Variants in CAMK1D observed in about 807,000 individuals in gnomAD.
CAMK1D encodes the protein calcium/calmodulin-dependent protein kinase type 1D.
CAMK1D carries 9 observed loss-of-function variants against 47.7 expected under a neutral mutation model. The observed-to-expected ratio is 0.19, with a 90% CI of 0.11 to 0.33. CAMK1D has a LOEUF of 0.33. CAMK1D is among the 10% of genes least tolerant of loss of function. CAMK1D has a pLI of 1.00. For missense variants in CAMK1D, 291 were observed against 488.7 expected (o/e 0.60, Z 3.81); for synonymous variants, 184 against 184.9 (o/e 0.99, Z 0.04).
At chr10:12,685,711 C>G (rs1832634147) in intron 3 of CAMK1D, among the ~76,000 whole-genome samples, 1 of 152,156 alleles carries the variant, frequency 6.6e-6, no homozygotes, top group Non-Finnish European at 1.5e-5. Flanking sequence ...TCTCAATCAT[C>G]CTGGGCTGGA....
chr10:12,535,756 T>C (rs1422248763), intron 1 of CAMK1D, among the ~76,000 whole-genome samples: 2 of 152,200 alleles, frequency 1.3e-5, no homozygotes, highest in Non-Finnish European at 2.9e-5. Context: ...TGTAATGTTT[T>C]GTGAATAGTT....
chr10:12,508,432 C>T (rs1296370485), intron 1 of CAMK1D, among the ~76,000 whole-genome samples: 1 of 152,232 alleles, frequency 6.6e-6, no homozygotes, highest in Non-Finnish European at 1.5e-5. Context: ...TCCACTTACT[C>T]AGGTACCCAG....
chr10:12,671,166 A>G (rs955103957), intron 3 of CAMK1D, among the ~76,000 whole-genome samples: 4 of 152,180 alleles, frequency 2.6e-5, no homozygotes, highest in African/African-American at 9.7e-5. Flanking sequence ...ATATTTTATT[A>G]TCTGGATATA....
chr10:12,691,402 TAA>T (rs1223927883), intron 3 of CAMK1D, among the ~76,000 whole-genome samples: 4 of 7,288 alleles, frequency 5.5e-4, no homozygotes, highest in Admixed American at 1.8e-3. Context: ...TATATATATA[TAA>T]ATATATATAT....
chr10:12,639,833 G>GAT (rs367946942), intron 2 of CAMK1D, among the ~76,000 whole-genome samples: 19 of 151,608 alleles, frequency 1.3e-4, no homozygotes, highest in East Asian at 1.9e-4. Context: ...TGACTAAGTG[G>GAT]ATATATATAT....
chr10:12,405,680 C>T (rs374200119), intron 1 of CAMK1D, among the ~76,000 whole-genome samples: 12 of 152,256 alleles, frequency 7.9e-5, no homozygotes, highest in Admixed American at 3.3e-4. Flanking sequence ...AGGGTTAGAC[C>T]GAAGTTGGCT....
At chr10:12,527,003 A>G (rs570549558) in intron 1 of CAMK1D, among the ~76,000 whole-genome samples, 17 of 152,234 alleles carry the variant, frequency 1.1e-4, no homozygotes, top group African/African-American at 3.4e-4. Context: ...TAGGCAATGT[A>G]GCAAGACCCC....
intron 2 of CAMK1D, among the ~76,000 whole-genome samples, chr10:12,586,658 C>T (rs1468929942): frequency 8.6e-5 from 13 of 151,986 alleles, no homozygotes; most frequent in Admixed American, 7.2e-4. Context: ...TGCAGAGAAC[C>T]GCCACCCTCC....
chr10:12,806,076 C>T (rs1351200833), intron 6 of CAMK1D, among the ~76,000 whole-genome samples: 1 of 152,156 alleles, frequency 6.6e-6, no homozygotes, highest in African/African-American at 2.4e-5. Flanking sequence ...GAGCAGGTCA[C>T]GTCTGTGCAC....
intron 2 of CAMK1D, among the ~76,000 whole-genome samples, chr10:12,594,622 A>C (rs994285596): frequency 4.6e-5 from 7 of 152,172 alleles, no homozygotes; most frequent in African/African-American, 1.7e-4. Context: ...GAGTCAGTGA[A>C]CTCAAGCGTT....
chr10:12,450,205 T>A (rs1227660701), intron 1 of CAMK1D, among the ~76,000 whole-genome samples: 1 of 152,072 alleles, frequency 6.6e-6, no homozygotes, highest in Non-Finnish European at 1.5e-5. Flanking sequence ...CCCTATGTAA[T>A]TAAAATAGCA....
At chr10:12,429,831 G>A (rs1414892689) in intron 1 of CAMK1D, among the ~76,000 whole-genome samples, 8 of 152,118 alleles carry the variant, frequency 5.3e-5, no homozygotes, top group Admixed American at 4.6e-4. Flanking sequence ...TGCACTCCAC[G>A]CAAGGTTTCA....
chr10:12,406,145 G>A (rs1177983504), intron 1 of CAMK1D, among the ~76,000 whole-genome samples: 2 of 152,136 alleles, frequency 1.3e-5, no homozygotes, highest in African/African-American at 2.4e-5. Context: ...AGTTCCATTG[G>A]CACCACAGCC....
At chr10:12,482,392 A>G (rs910071181) in intron 1 of CAMK1D, among the ~76,000 whole-genome samples, 15 of 152,182 alleles carry the variant, frequency 9.9e-5, no homozygotes, top group Admixed American at 7.9e-4. Context: ...CACTTGTTTT[A>G]TAACACCCGG....
intron 3 of CAMK1D, among the ~76,000 whole-genome samples, chr10:12,749,701 C>T (rs1243569158): frequency 6.6e-6 from 1 of 151,994 alleles, no homozygotes; most frequent in Non-Finnish European, 1.5e-5. Context: ...TGGGATTACA[C>T]GTGCCCACCA....
At chr10:12,507,249 C>A (rs1388954496) in intron 1 of CAMK1D, among the ~76,000 whole-genome samples, 2 of 152,188 alleles carry the variant, frequency 1.3e-5, no homozygotes, top group Non-Finnish European at 2.9e-5. Context: ...TGGAGAAACA[C>A]AAAGAGGCTA....
chr10:12,801,358 C>CTATCTATCTATCT (rs1564572244), intron 6 of CAMK1D, among the ~76,000 whole-genome samples: 11 of 115,322 alleles, frequency 9.5e-5, no homozygotes, highest in East Asian at 7.8e-4. Context: ...TCTATCTTAT[C>CTATCTATCTATCT]TATCTATCTA....
intron 1 of CAMK1D, among the ~76,000 whole-genome samples, chr10:12,460,322 G>C (rs1261117232): frequency 6.6e-6 from 1 of 150,700 alleles, no homozygotes; most frequent in Non-Finnish European, 1.5e-5. Context: ...GTGCAGTGGT[G>C]TGATCATATC....
At chr10:12,815,194 A>C (rs1262513136) in intron 7 of CAMK1D, among the ~76,000 whole-genome samples, 1 of 152,208 alleles carries the variant, frequency 6.6e-6, no homozygotes. Context: ...AGGGAAGTTC[A>C]CTGTTCCTTC....
Sources: allele counts gnomAD v4.1 joint callset (sites outside exome capture counted in the v4.1 genomes callset), GRCh38; gene constraint gnomAD v4.1.1; transcripts MANE v1.5; gene names NCBI Gene and HGNC (gene_info 2026-07-23, HGNC 2026-07-21).